Variants in NCKAP5 observed in about 807,000 individuals in gnomAD.
NCKAP5 encodes NCK associated protein 5, also known as nck-associated protein 5.
In NCKAP5, 92 loss-of-function variants were observed where a neutral mutation model predicts 167.0. The ratio of observed to expected loss-of-function variants is 0.55; its 90% confidence interval spans 0.47 to 0.66. The LOEUF (loss-of-function observed/expected upper bound fraction) is 0.66, where lower values mean the gene tolerates loss of function less well. NCKAP5 is among the 30% of genes least tolerant of loss of function. The pLI is 0.00. For synonymous variants in NCKAP5, 891 were observed against 877.4 expected (o/e 1.02, Z -0.27); for missense variants, 2,378 against 2,315.0 (o/e 1.03, Z -0.56).
intron 19 of NCKAP5, among the ~76,000 whole-genome samples, chr2:132,705,133 T>G (rs1309564905): frequency 6.6e-6 from 1 of 152,192 alleles, no homozygotes; most frequent in African/African-American, 2.4e-5. Flanking sequence ...CTCTGCTCAC[T>G]CTGGATAGAC....
intron 6 of NCKAP5, among the ~76,000 whole-genome samples, chr2:133,076,375 C>A (rs1173047426): frequency 6.6e-6 from 1 of 152,080 alleles, no homozygotes; most frequent in Non-Finnish European, 1.5e-5. Context: ...GGTCCTGGAA[C>A]CCATACCTCA....
intron 11 of NCKAP5, among the ~76,000 whole-genome samples, chr2:132,822,209 G>T (rs1473395840): frequency 6.6e-6 from 1 of 152,178 alleles, no homozygotes; most frequent in Non-Finnish European, 1.5e-5. Flanking sequence ...GGTCCTGAGG[G>T]TGTCCATGTG....
chr2:133,047,987 A>C (rs16846174), intron 6 of NCKAP5, among the ~76,000 whole-genome samples: 7,467 of 152,310 alleles, frequency 0.049, 607 homozygotes, highest in African/African-American at 0.17. Context: ...CATGCATCAA[A>C]AAGTTTATAC....
intron 3 of NCKAP5, among the ~76,000 whole-genome samples, chr2:133,370,342 T>C (rs911751619): frequency 6.6e-6 from 1 of 152,156 alleles, no homozygotes; most frequent in Non-Finnish European, 1.5e-5. Flanking sequence ...TCCAAAGAAT[T>C]GAGTCTTCAT....
At chr2:133,361,530 C>T (rs1489956905) in intron 3 of NCKAP5, among the ~76,000 whole-genome samples, 1 of 152,228 alleles carries the variant, frequency 6.6e-6, no homozygotes, top group Non-Finnish European at 1.5e-5. Context: ...TGACTGAATA[C>T]TGCCATGTGG....
chr2:133,273,949 C>T (rs1364916447), intron 4 of NCKAP5, among the ~76,000 whole-genome samples: 1 of 147,378 alleles, frequency 6.8e-6, no homozygotes, highest in East Asian at 2.0e-4. Context: ...AGGGAATGCC[C>T]TTAACCTGAT....
chr2:133,612,417 T>C, the NCKAP5 span, among the ~76,000 whole-genome samples: 1 of 152,202 alleles, frequency 6.6e-6, no homozygotes, highest in African/African-American at 2.4e-5. Context: ...GTATGGATTT[T>C]CAATCTCAAA....
In NCKAP5 at chr2:132,782,618, C is replaced by A; in HGVS notation, c.4193G>T (p.Ser1398Ile). 1 of 1,597,376 alleles carries A rather than the reference C, an allele frequency of 6.3e-7. No homozygotes were observed. Among genetic ancestry groups the A allele is most frequent in the Non-Finnish European group, 8.5e-7 (1 of 1,171,650 alleles). Reference sequence around the variant, plus strand: ...TTCCCCAAGTACAGCCACATTGGCACTGGGGCACTCTCCCTGGGTGAAGGC... The same window carrying A: ...TTCCCCAAGTACAGCCACATTGGCAATGGGGCACTCTCCCTGGGTGAAGGC... ...QQAFTQGECP[S>I]ANVAVLGEPG... The change falls in exon 14 of 20, where the codon AGT becomes ATT. Residue 1398 changes from serine (S) to isoleucine (I), a missense_variant. By Grantham distance (142) the Ser-to-Ile change is moderately radical. Around this residue, in one of 3 missense-constraint regions of NCKAP5, gnomAD observed 1,325 missense variants for 1,274.5 expected, o/e 1.04. Transcript: ENST00000409261.
chr2:133,560,776 G>A, intron 1 of NCKAP5, among the ~76,000 whole-genome samples: 1 of 152,202 alleles, frequency 6.6e-6, no homozygotes, highest in East Asian at 1.9e-4. Context: ...AGAGTGAGAA[G>A]ATTCTTGTCC....
chr2:133,050,296 G>A (rs1230421685), intron 6 of NCKAP5, among the ~76,000 whole-genome samples: 8 of 152,034 alleles, frequency 5.3e-5, no homozygotes, highest in Middle Eastern at 3.4e-3. Context: ...TCAGTGGGTG[G>A]GAAGGGGAAA....
intron 4 of NCKAP5, among the ~76,000 whole-genome samples, chr2:133,241,201 A>T (rs1366081813): frequency 6.6e-6 from 1 of 152,216 alleles, no homozygotes; most frequent in Non-Finnish European, 1.5e-5. Context: ...CTGTAACTTC[A>T]TTCCAGAAAT....
intron 6 of NCKAP5, among the ~76,000 whole-genome samples, chr2:133,070,859 T>C (rs1228767342): frequency 6.6e-6 from 1 of 152,224 alleles, no homozygotes; most frequent in South Asian, 2.1e-4. Context: ...AGTACACGCA[T>C]ATAACATTTT....
intron 3 of NCKAP5, among the ~76,000 whole-genome samples, chr2:133,432,059 C>T (rs2151129278): frequency 6.6e-6 from 1 of 152,246 alleles, no homozygotes. Flanking sequence ...TATATCATTC[C>T]TTAACCTTTG....
chr2:132,953,147 G>C (rs1447978752), intron 8 of NCKAP5, among the ~76,000 whole-genome samples: 1 of 152,186 alleles, frequency 6.6e-6, no homozygotes, highest in African/African-American at 2.4e-5. Context: ...AATGGCACTT[G>C]CACATATAAA....
chr2:133,386,134 A>G (rs115335492), intron 3 of NCKAP5, among the ~76,000 whole-genome samples: 6,743 of 152,100 alleles, frequency 0.044, 458 homozygotes, highest in African/African-American at 0.15. Flanking sequence ...TTTTAATTGC[A>G]ATGTTAGGGT....
chr2:133,134,922 G>A (rs192781893), intron 5 of NCKAP5, among the ~76,000 whole-genome samples: 61 of 152,288 alleles, frequency 4.0e-4, no homozygotes, highest in African/African-American at 1.2e-3. Flanking sequence ...AGAACTGTGC[G>A]TGTAAAAGCA....
chr2:133,006,198 G>A (rs766041149), intron 6 of NCKAP5, among the ~76,000 whole-genome samples: 79 of 152,296 alleles, frequency 5.2e-4, no homozygotes, highest in Admixed American at 2.5e-3. Context: ...GGTCGAGGTT[G>A]CAGTGAGCCG....
intron 6 of NCKAP5, among the ~76,000 whole-genome samples, chr2:133,111,384 C>G (rs1366658590): frequency 6.6e-6 from 1 of 152,214 alleles, no homozygotes; most frequent in Non-Finnish European, 1.5e-5. Flanking sequence ...TCTCAATGAT[C>G]AGCCAACAAG....
At chr2:133,225,237 G>GA (rs2086830005) in intron 4 of NCKAP5, among the ~76,000 whole-genome samples, 1 of 126,260 alleles carries the variant, frequency 7.9e-6, no homozygotes, top group Admixed American at 8.2e-5. Flanking sequence ...GAATTCTTGA[G>GA]GGAAAAAAAA....
Sources: gnomAD v4.1 joint callset for allele counts (sites outside exome capture counted in the v4.1 genomes callset) on GRCh38, gnomAD v4.1.1 for gene constraint, gnomAD v4.1.1 regional missense constraint, MANE v1.5 for transcripts, NCBI Gene and HGNC (gene_info 2026-07-23, HGNC 2026-07-21) for gene names.